Variants in ZP3 observed in about 807,000 individuals in gnomAD.
The protein encoded by ZP3 is zona pellucida glycoprotein 3.
In ZP3, 21 loss-of-function variants were observed where a neutral mutation model predicts 35.6. The ratio of observed to expected loss-of-function variants is 0.59; its 90% CI spans 0.42 to 0.85. The LOEUF (loss-of-function observed/expected upper bound fraction) is 0.85, where lower values mean the gene tolerates loss of function less well. Ranked by LOEUF, ZP3 falls within the 40% of genes least tolerant of loss-of-function variation. The pLI is 0.00. For synonymous variants in ZP3, 207 were observed against 214.5 expected, an observed-to-expected ratio of 0.96 and a Z score of 0.31; for missense variants, 437 against 536.5, an observed-to-expected ratio of 0.81 and a Z score of 1.83.
intron 1 of ZP3, among the ~76,000 whole-genome samples, chr7:76,405,571 C>T (rs1283802150): frequency 6.6e-6 from 1 of 151,118 alleles, no homozygotes; most frequent in Admixed American, 6.6e-5. Context: ...TCACTTGCAC[C>T]AAGGCTGCAG....
At chr7:76,421,473 C>G (rs34905536), upstream of ZP3, among the ~76,000 whole-genome samples, 1 of 151,846 alleles carries the variant, frequency 6.6e-6, no homozygotes, top group South Asian at 2.1e-4. Flanking sequence ...AGGCTGGTCT[C>G]GAACTCCTGG....
At chr7:76,429,455 G>T in intron 1 of ZP3, 60 bp from the exon 2 acceptor site, 1 of 1,549,446 alleles carries the variant, frequency 6.5e-7, no homozygotes, top group South Asian at 1.1e-5. Flanking sequence ...ACTCAGGTAT[G>T]GCTTGGGAGT....
intron 1 of ZP3, among the ~76,000 whole-genome samples, chr7:76,400,851 A>G (rs1804800403): frequency 6.6e-6 from 1 of 152,104 alleles, no homozygotes; most frequent in African/African-American, 2.4e-5. Context: ...CTTGGGATCA[A>G]TCCCTTCTGG....
chr7:76,429,778 C>A, intron 2 of ZP3, 145 bp downstream of exon 2: 2 of 731,946 alleles, frequency 2.7e-6, no homozygotes, highest in Non-Finnish European at 4.7e-6. Context: ...TACTGTACTG[C>A]GTGGGATTGT....
chr7:76,401,289 C>G (rs943221886), intron 1 of ZP3, among the ~76,000 whole-genome samples: 1 of 152,178 alleles, frequency 6.6e-6, no homozygotes, highest in African/African-American at 2.4e-5. Context: ...ATCTGTAGAT[C>G]TGCACATCTC....
intron 1 of ZP3, among the ~76,000 whole-genome samples, chr7:76,406,964 A>C (rs557073101): frequency 3.3e-5 from 5 of 151,554 alleles, no homozygotes; most frequent in African/African-American, 1.2e-4. Context: ...TTATTTATTT[A>C]TTTATTTATT....
chr7:76,418,632 A>G lies in ZP3; in HGVS notation c.-66-6420A>G, dbSNP rs534704838. On this transcript the variant is annotated intron_variant, in intron 1 of 8. Transcript: ENST00000336517. ...AGCACTTTGGGAGGCCAAGGCGGGC[A>G]GATCACGAGGTCAGGCGGTCGAGAC... Among the ~76,000 whole-genome samples the G allele has an allele frequency of 9.7e-4, 129 of 133,064 alleles. 2 individuals carry two copies. In the East Asian group the frequency reaches 0.028, roughly 29 times the overall value. 87.3% of individuals were successfully genotyped at this position (133,064 alleles called of 152,430 possible). A position where few individuals can be genotyped will look rare whatever the true frequency, so the allele number is the denominator to read the frequency against.
intron 1 of ZP3, among the ~76,000 whole-genome samples, chr7:76,419,508 C>A (rs934801672): frequency 1.3e-5 from 2 of 152,074 alleles, no homozygotes; most frequent in African/African-American, 2.4e-5. Flanking sequence ...TCCACTGTTT[C>A]TTTTCTGTCC....
upstream of ZP3, among the ~76,000 whole-genome samples, chr7:76,423,055 G>GAAAGAAAGAAACAAAGAAAGAAAC (rs1264874125): frequency 1.5e-5 from 2 of 135,908 alleles, no homozygotes; most frequent in South Asian, 4.6e-4. Context: ...AAGAAAGAAA[G>GAAAGAAAGAAACAAAGAAAGAAAC]AAAGAAAGAA....
At chr7:76,432,435 C>T (rs537600758) in intron 2 of ZP3, among the ~76,000 whole-genome samples, 21 of 152,240 alleles carry the variant, frequency 1.4e-4, no homozygotes, top group Non-Finnish European at 2.5e-4. Flanking sequence ...CCGCCCGCCT[C>T]GGCCTCTCAA....
chr7:76,397,808 C>G, intron 1 of ZP3: 1 of 1,596,048 alleles, frequency 6.3e-7, no homozygotes, highest in African/African-American at 1.3e-5. Flanking sequence ...GTTCGCGCCC[C>G]CTACCAGGCG....
chr7:76,428,051 T>A (rs1805718500), intron 1 of ZP3, among the ~76,000 whole-genome samples: 1 of 151,142 alleles, frequency 6.6e-6, no homozygotes, highest in African/African-American at 2.4e-5. Flanking sequence ...GGGGGTTGAG[T>A]CATGGTGGCT....
intron 1 of ZP3, among the ~76,000 whole-genome samples, chr7:76,405,256 AC>A (rs1162883289): frequency 1.7e-4 from 15 of 86,710 alleles, no homozygotes; most frequent in African/African-American, 5.8e-4. Flanking sequence ...GGCGTGCATC[AC>A]CACACCCAGC....
chr7:76,421,053 A>C (rs1409794173), upstream of ZP3, among the ~76,000 whole-genome samples: 7 of 151,924 alleles, frequency 4.6e-5, no homozygotes, highest in Admixed American at 6.6e-5. Flanking sequence ...CTCTTGCCTC[A>C]GCCTCCTGAG....
intron 2 of ZP3, 69 bp from the exon 3 acceptor site, chr7:76,432,858 T>TGCTA: frequency 7.5e-7 from 1 of 1,337,508 alleles, no homozygotes; most frequent in Non-Finnish European, 1.1e-6. Flanking sequence ...AGTGAGATAC[T>TGCTA]CCCCATCAGT....
At chr7:76,432,793 A>G in intron 2 of ZP3, 134 bp from the exon 3 acceptor site, 1 of 686,880 alleles carries the variant, frequency 1.5e-6, no homozygotes, top group Non-Finnish European at 2.5e-6. Flanking sequence ...CTGTTCAGCC[A>G]TCTCGCACCA....
chr7:76,418,629 G>A (rs999225126), intron 1 of ZP3, among the ~76,000 whole-genome samples: 5 of 134,790 alleles, frequency 3.7e-5, no homozygotes, highest in African/African-American at 1.4e-4. Context: ...GGCCAAGGCG[G>A]GCAGATCACG....
chr7:76,415,491 T>A (rs149748771), intron 1 of ZP3, among the ~76,000 whole-genome samples: 2,927 of 151,754 alleles, frequency 0.019, 44 homozygotes, highest in Middle Eastern at 0.12. Flanking sequence ...TTATTTTATT[T>A]TTTATTTATT....
intron 1 of ZP3, among the ~76,000 whole-genome samples, chr7:76,425,923 T>C (rs927194665): frequency 6.6e-6 from 1 of 151,384 alleles, no homozygotes; most frequent in African/African-American, 2.4e-5. Context: ...TCTCTACTAA[T>C]AATACAAAAA....
Sources: allele counts gnomAD v4.1 joint callset (sites outside exome capture counted in the v4.1 genomes callset), GRCh38; gene constraint gnomAD v4.1.1; transcripts MANE v1.5; gene names NCBI Gene and HGNC (gene_info 2026-07-23, HGNC 2026-07-21).